RABGAP1L: variants seen among roughly 807,000 people sequenced by gnomAD.
RABGAP1L encodes rab GTPase-activating protein 1-like.
A neutral mutation model predicts 137.7 loss-of-function variants in RABGAP1L; 63 were observed. That is an observed-to-expected ratio of 0.46 (90% CI 0.37 to 0.56). RABGAP1L has a LOEUF of 0.56. Ranked by LOEUF, RABGAP1L falls within the 20% of genes least tolerant of loss-of-function variation. RABGAP1L has a pLI of 0.00. For missense variants in RABGAP1L, 1,095 were observed against 1,244.0 expected (o/e 0.88, Z 1.80); for synonymous variants, 431 against 433.7 (o/e 0.99, Z 0.08).
At chr1:174,917,932 T>TAAA (rs77326102) in intron 19 of RABGAP1L, among the ~76,000 whole-genome samples, 22 of 116,436 alleles carry the variant, frequency 1.9e-4, no homozygotes, top group Admixed American at 3.6e-4. Context: ...GACTCTGTCT[T>TAAA]AAAAAAAAAA....
At chr1:174,583,738 T>C (rs1367728422) in intron 13 of RABGAP1L, among the ~76,000 whole-genome samples, 3 of 152,176 alleles carry the variant, frequency 2.0e-5, no homozygotes, top group Admixed American at 6.5e-5. Context: ...TTGCCCAGTT[T>C]CCAGATACTA....
intron 13 of RABGAP1L, among the ~76,000 whole-genome samples, chr1:174,501,018 C>T (rs573850507): frequency 2.0e-5 from 3 of 152,136 alleles, no homozygotes; most frequent in Admixed American, 2.0e-4. Flanking sequence ...TTTCTAATTT[C>T]TTAAGAGAAT....
At chr1:174,943,933 A>G (rs1666314086) in intron 19 of RABGAP1L, among the ~76,000 whole-genome samples, 1 of 152,152 alleles carries the variant, frequency 6.6e-6, no homozygotes, top group East Asian at 1.9e-4. Flanking sequence ...TAAATAGTAA[A>G]TAAATATTTG....
In RABGAP1L at chr1:174,275,990, A is replaced by G. The variant is rs980678953; in HGVS notation, c.1156+55A>G. The G allele has an allele frequency of 8.4e-6, 12 of 1,424,246 alleles. 1 individual carries two copies. In the African/African-American group the frequency reaches 1.3e-4, roughly 15 times the overall value. The allele number at this position is 1,424,246 out of a possible 1,614,324, so 88.2% of individuals were successfully genotyped here. On this transcript the variant is annotated intron_variant, in intron 9 of 25. Transcript: ENST00000681986. ...TTGCTTTACATTTTATATTATGAAC[A>G]ATGTTGCTTGTCATGTTTTAAAAAA...
chr1:174,839,602 A>C (rs887997491), intron 19 of RABGAP1L, among the ~76,000 whole-genome samples: 10 of 152,254 alleles, frequency 6.6e-5, no homozygotes, highest in Non-Finnish European at 1.3e-4. Flanking sequence ...GGCTAACACT[A>C]ATAGCACATG....
At chr1:174,698,411 A>G (rs1679412331) in intron 15 of RABGAP1L, among the ~76,000 whole-genome samples, 1 of 152,248 alleles carries the variant, frequency 6.6e-6, no homozygotes, top group South Asian at 2.1e-4. Context: ...TTTTACAGAA[A>G]GTAGCAACAT....
chr1:174,911,631 T>A lies in RABGAP1L; in HGVS notation c.2341-45826T>A, dbSNP rs577317464. Among the ~76,000 whole-genome samples, 3 of 152,326 alleles carry A rather than the reference T, an allele frequency of 2.0e-5. No homozygotes were observed. The South Asian group carries it at 6.2e-4, about 32-fold the overall frequency. ...CCCATTCAAATACTCGTATATGTAA[T>A]CTAATTATTATTGTTATAGAAGTTA... On this transcript the variant is annotated intron_variant, in intron 19 of 25. Transcript: ENST00000681986.
intron 13 of RABGAP1L, among the ~76,000 whole-genome samples, chr1:174,440,447 G>C (rs570834368): frequency 1.1e-4 from 16 of 152,232 alleles, no homozygotes; most frequent in Admixed American, 2.6e-4. Context: ...TGATAGTGAA[G>C]ATGGAGAAAA....
chr1:174,669,203 A>G (rs1246335311), intron 14 of RABGAP1L, among the ~76,000 whole-genome samples: 4 of 152,192 alleles, frequency 2.6e-5, no homozygotes, highest in African/African-American at 9.7e-5. Context: ...GAATGAATGC[A>G]GGAGGAACTA....
chr1:174,651,155 T>G (rs1431036609), intron 14 of RABGAP1L, among the ~76,000 whole-genome samples: 12 of 152,124 alleles, frequency 7.9e-5, no homozygotes, highest in East Asian at 1.9e-4. Flanking sequence ...TTGAGTGAGT[T>G]TCTTAATCCT....
chr1:174,527,435 G>C (rs77087042), intron 13 of RABGAP1L, among the ~76,000 whole-genome samples: 5,279 of 152,060 alleles, frequency 0.035, 123 homozygotes, highest in Middle Eastern at 0.088. Context: ...TTGAACTCCT[G>C]ACCTCAGGTG....
chr1:174,575,033 C>T (rs1304597575), intron 13 of RABGAP1L, among the ~76,000 whole-genome samples: 3 of 152,166 alleles, frequency 2.0e-5, no homozygotes, highest in Non-Finnish European at 4.4e-5. Flanking sequence ...CAGGTTCAAG[C>T]GATTCTCCTG....
chr1:174,374,437 A>T (rs1011634203), intron 12 of RABGAP1L, among the ~76,000 whole-genome samples: 1 of 152,154 alleles, frequency 6.6e-6, no homozygotes, highest in Non-Finnish European at 1.5e-5. Flanking sequence ...GGCCCAACAC[A>T]TTCTTTCTAG....
In RABGAP1L at chr1:174,319,759, G is replaced by A. The variant is rs138306656; in HGVS notation, c.1465+14632G>A. Among the ~76,000 whole-genome samples the A allele has an allele frequency of 9.7e-4, 148 of 152,248 alleles. 1 individual carries two copies. The highest frequency in any genetic ancestry group is 3.4e-3 in the Middle Eastern group (1 of 294). The stretch of plus-strand genomic sequence containing the variant: ...TGCTGGGAGTTTTTATCATGAATAA[G>A]TATTGGATTTTGTTAATTGCTTTTA... On this transcript the variant is annotated intron_variant, in intron 11 of 25. Transcript: ENST00000681986.
At chr1:174,250,692 A>G (rs1558071013) in intron 6 of RABGAP1L, 60 bp downstream of exon 6, 4 of 1,464,712 alleles carry the variant, frequency 2.7e-6, no homozygotes, top group East Asian at 2.3e-5. Flanking sequence ...ATAGGCGCAT[A>G]TAAAGTTTCA....
At chr1:174,875,748 C>G (rs1652983370) in intron 19 of RABGAP1L, 1 of 953,328 alleles carries the variant, frequency 1.0e-6, no homozygotes. Context: ...AATGCCTTGT[C>G]TCCTGATTAT....
At position 174,683,508 on chromosome 1, in the gene RABGAP1L, C is replaced by T; in HGVS notation, c.1825-14C>T. Reference sequence around the variant, plus strand: ...ACTATTTACGATATTTCTTTCTTTTCATCTTTTCTCTAGGCCTACTCTGTG... The same window carrying T: ...ACTATTTACGATATTTCTTTCTTTTTATCTTTTCTCTAGGCCTACTCTGTG... On this transcript the variant is annotated splice_polypyrimidine_tract_variant and intron_variant, in intron 14 of 25. Coordinates refer to ENST00000681986, the MANE Select transcript of RABGAP1L (RefSeq NM_001366446.1). The T allele has an allele frequency of 6.4e-7, 1 of 1,572,080 alleles. No individual in the cohort carries two copies. Among genetic ancestry groups the T allele is most frequent in the Non-Finnish European group, 8.7e-7 (1 of 1,145,966 alleles).
chr1:174,694,699 C>A (rs1209482419), intron 15 of RABGAP1L, among the ~76,000 whole-genome samples: 4 of 151,838 alleles, frequency 2.6e-5, no homozygotes, highest in Non-Finnish European at 5.9e-5. Context: ...ATTTATAGTC[C>A]TTTGGGTATA....
At chr1:174,386,306 C>T (rs1462509860) in intron 12 of RABGAP1L, among the ~76,000 whole-genome samples, 2 of 152,100 alleles carry the variant, frequency 1.3e-5, no homozygotes, top group Non-Finnish European at 2.9e-5. Flanking sequence ...AGAACTGAGG[C>T]ATAGCTATAT....
Sources: allele counts gnomAD v4.1 joint callset (sites outside exome capture counted in the v4.1 genomes callset), GRCh38; gene constraint gnomAD v4.1.1; transcripts MANE v1.5; gene names NCBI Gene and HGNC (gene_info 2026-07-23, HGNC 2026-07-21).